Variants in SLC36A1 observed in about 807,000 individuals in gnomAD.
The protein encoded by SLC36A1 is solute carrier family 36 member 1.
Under a neutral mutation model 47.5 loss-of-function variants are expected in SLC36A1, and 30 were observed. The ratio of observed to expected loss-of-function variants is 0.63; its 90% CI spans 0.47 to 0.86. The LOEUF (loss-of-function observed/expected upper bound fraction) is 0.86. Ranked by LOEUF, SLC36A1 falls within the 40% of genes least tolerant of loss-of-function variation. The probability of loss-of-function intolerance (pLI) is 0.00; values close to 1 mark genes in which losing one functional copy is unlikely to be tolerated. For synonymous variants in SLC36A1, 255 were observed against 249.7 expected (o/e 1.02, Z -0.20); for missense variants, 517 against 606.0 (o/e 0.85, Z 1.54).
At chr5:151,554,566 G>A in the SLC36A1 span, 1 of 1,614,224 alleles carries the variant, frequency 6.2e-7, no homozygotes, top group Non-Finnish European at 8.5e-7. Context: ...GGCGGACATT[G>A]AAGAGCTTGT....
intron 10 of SLC36A1, among the ~76,000 whole-genome samples, chr5:151,487,535 A>G (rs1443418182): frequency 6.6e-6 from 1 of 152,018 alleles, no homozygotes; most frequent in African/African-American, 2.4e-5. Context: ...TTCTTTTCCT[A>G]TTTGGTTTCT....
At chr5:151,529,815 T>C in the SLC36A1 span, among the ~76,000 whole-genome samples, 1 of 152,152 alleles carries the variant, frequency 6.6e-6, no homozygotes, top group Non-Finnish European at 1.5e-5. Flanking sequence ...CCTCAGGGCA[T>C]AAAATGAGAT....
At chr5:151,542,289 G>A in the SLC36A1 span, 2 of 1,593,376 alleles carry the variant, frequency 1.3e-6, no homozygotes, top group South Asian at 2.3e-5. Flanking sequence ...TCTTACCTGT[G>A]ATGTAGCAGG....
rs188454809 is a variant in SLC36A1, at chr5:151,490,321, G to A, written c.*2067G>A. On this transcript the variant is annotated 3_prime_UTR_variant, in exon 11 of 11. Coordinates refer to ENST00000243389, the MANE Select transcript of SLC36A1 (RefSeq NM_078483.4). ...TGTCATCTCCTGGTTCCAAGTTCGGGCTCTGGCAGCCCAGCCGCTATCTTA... is the reference window on the plus strand; with the variant it reads ...TGTCATCTCCTGGTTCCAAGTTCGGACTCTGGCAGCCCAGCCGCTATCTTA... The A allele has an allele frequency of 6.6e-6, 1 of 152,372 alleles. No homozygotes were observed. Among genetic ancestry groups the A allele is most frequent in the East Asian group, 1.9e-4 (1 of 5,172 alleles). The allele number at this position is 152,372 out of a possible 1,614,324, so 9.4% of individuals were successfully genotyped here.
the SLC36A1 span, among the ~76,000 whole-genome samples, chr5:151,552,824 G>A: frequency 7.2e-5 from 11 of 152,270 alleles, no homozygotes; most frequent in Admixed American, 2.6e-4. Flanking sequence ...GCAGGCTCAC[G>A]GTCAACTATG....
intron 1 of SLC36A1, among the ~76,000 whole-genome samples, chr5:151,454,560 G>A (rs1274886584): frequency 6.6e-6 from 1 of 152,102 alleles, no homozygotes; most frequent in African/African-American, 2.4e-5. Flanking sequence ...TTCTCCCAGA[G>A]TGATCTGTTC....
chr5:151,410,187 A>G, the SLC36A1 span, among the ~76,000 whole-genome samples: 4 of 152,234 alleles, frequency 2.6e-5, no homozygotes, highest in African/African-American at 9.6e-5. Context: ...TGAGGGCAGG[A>G]ACTTTATCTG....
At chr5:151,543,767 C>A in the SLC36A1 span, 1 of 1,614,152 alleles carries the variant, frequency 6.2e-7, no homozygotes, top group Non-Finnish European at 8.5e-7. Flanking sequence ...GAAGCACCTA[C>A]CCTCAAATTG....
chr5:151,493,769 C>T (rs548472084), downstream of SLC36A1, among the ~76,000 whole-genome samples: 25 of 152,284 alleles, frequency 1.6e-4, no homozygotes, highest in Non-Finnish European at 1.0e-4. Context: ...CTTCCCAAGG[C>T]GCTGGCTGCC....
chr5:151,469,627 A>C (rs1757045605), intron 7 of SLC36A1, among the ~76,000 whole-genome samples: 1 of 152,070 alleles, frequency 6.6e-6, no homozygotes, highest in South Asian at 2.1e-4. Context: ...AAGAGTGTGC[A>C]CTTTTGAATT....
At chr5:151,424,776 A>G in the SLC36A1 span, among the ~76,000 whole-genome samples, 1 of 152,178 alleles carries the variant, frequency 6.6e-6, no homozygotes, top group African/African-American at 2.4e-5. Context: ...AATCTTTCTA[A>G]TAACTAAGCT....
chr5:151,495,450 G>A (rs1242047080), downstream of SLC36A1, among the ~76,000 whole-genome samples: 2 of 152,156 alleles, frequency 1.3e-5, no homozygotes, highest in African/African-American at 2.4e-5. Context: ...CATAACTGTA[G>A]TACATTATTG....
chr5:151,409,798 T>G, the SLC36A1 span, among the ~76,000 whole-genome samples: 1 of 152,188 alleles, frequency 6.6e-6, no homozygotes, highest in South Asian at 2.1e-4. Flanking sequence ...ATCATCCAAA[T>G]CAGCTGGGGA....
At chr5:151,497,437 TC>T in the SLC36A1 span, among the ~76,000 whole-genome samples, 2 of 152,232 alleles carry the variant, frequency 1.3e-5, no homozygotes, top group Non-Finnish European at 2.9e-5. Flanking sequence ...TTGGAATAAA[TC>T]CTACTTGATC....
the SLC36A1 span, among the ~76,000 whole-genome samples, chr5:151,421,580 CTTTTTTTT>C: frequency 1.8e-3 from 249 of 134,978 alleles, no homozygotes; most frequent in African/African-American, 6.4e-3. Flanking sequence ...TTCTTTCTTT[CTTTTTTTT>C]TTTTTGTTGT....
chr5:151,371,700 AT>A, the SLC36A1 span, among the ~76,000 whole-genome samples: 20 of 152,150 alleles, frequency 1.3e-4, no homozygotes, highest in African/African-American at 4.1e-4. Flanking sequence ...AGTGAATAGG[AT>A]TTTTTTTAAA....
At chr5:151,548,212 T>G in the SLC36A1 span, among the ~76,000 whole-genome samples, 10 of 152,150 alleles carry the variant, frequency 6.6e-5, no homozygotes, top group Non-Finnish European at 1.3e-4. Flanking sequence ...ATGCAATAAA[T>G]GAACATTAGG....
At chr5:151,423,121 A>G in the SLC36A1 span, among the ~76,000 whole-genome samples, 1 of 152,226 alleles carries the variant, frequency 6.6e-6, no homozygotes. Context: ...AAAATCCAAA[A>G]TACTGATAAT....
At chr5:151,543,097 A>G in the SLC36A1 span, 2 of 1,614,196 alleles carry the variant, frequency 1.2e-6, no homozygotes, top group Non-Finnish European at 1.7e-6. Context: ...CTGAAGTCGT[A>G]CTGGCACCAG....
Sources: gnomAD v4.1 joint callset for allele counts (sites outside exome capture counted in the v4.1 genomes callset) on GRCh38, gnomAD v4.1.1 for gene constraint, MANE v1.5 for transcripts, NCBI Gene and HGNC (gene_info 2026-07-23, HGNC 2026-07-21) for gene names.